The following DOCK3 variants were observed in gnomAD, a reference collection of about 807,000 sequenced individuals.
DOCK3 encodes dedicator of cytokinesis 3.
Under a neutral mutation model 265.6 loss-of-function variants are expected in DOCK3, and 60 were observed. The ratio of observed to expected loss-of-function variants is 0.23; its 90% CI spans 0.18 to 0.28. The LOEUF (loss-of-function observed/expected upper bound fraction) is 0.28, where lower values mean the gene tolerates loss of function less well. Among genes scored for constraint, DOCK3 ranks in the 10% least tolerant of loss-of-function variants. The probability of loss-of-function intolerance (pLI) is 1.00; values close to 1 mark genes in which losing one functional copy is unlikely to be tolerated. For synonymous variants in DOCK3, 881 were observed against 938.0 expected, an observed-to-expected ratio of 0.94 and a Z score of 1.11; for missense variants, 1,981 against 2,594.3, an observed-to-expected ratio of 0.76 and a Z score of 5.14.
intron 2 of DOCK3, among the ~76,000 whole-genome samples, chr3:50,833,858 C>A (rs1162162059): frequency 1.3e-5 from 2 of 152,088 alleles, no homozygotes; most frequent in Non-Finnish European, 2.9e-5. Context: ...TAAGAATACT[C>A]AAATAGTTTC....
chr3:51,204,173 AT>A (rs2089017594), intron 12 of DOCK3, among the ~76,000 whole-genome samples: 1 of 148,198 alleles, frequency 6.7e-6, no homozygotes, highest in African/African-American at 2.5e-5. Flanking sequence ...ATGGGATCTA[AT>A]TAAACTAAAG....
chr3:51,272,146 A>G (rs1488483046), intron 24 of DOCK3, among the ~76,000 whole-genome samples: 1 of 152,232 alleles, frequency 6.6e-6, no homozygotes. Flanking sequence ...ATTAAGATCA[A>G]TATGAGCCTG....
At chr3:51,253,110 A>G (rs552829248) in intron 22 of DOCK3, among the ~76,000 whole-genome samples, 8 of 152,320 alleles carry the variant, frequency 5.3e-5, no homozygotes, top group South Asian at 2.1e-4. Context: ...TTCTGCATCT[A>G]TTGAGATAAT....
At chr3:50,881,965 G>A (rs1261111648) in intron 3 of DOCK3, among the ~76,000 whole-genome samples, 19 of 152,090 alleles carry the variant, frequency 1.2e-4, no homozygotes, top group African/African-American at 3.9e-4. Flanking sequence ...AATACCACAC[G>A]TCTACAACCA....
intron 1 of DOCK3, among the ~76,000 whole-genome samples, chr3:50,715,737 G>A (rs2037066817): frequency 6.6e-6 from 1 of 152,052 alleles, no homozygotes; most frequent in Non-Finnish European, 1.5e-5. Context: ...GAATTTGAGG[G>A]ATTTTTGAGA....
chr3:51,274,404 G>A (rs56254449), intron 24 of DOCK3, among the ~76,000 whole-genome samples: 3,552 of 152,252 alleles, frequency 0.023, 149 homozygotes, highest in African/African-American at 0.081. Flanking sequence ...TTCAGTCAGC[G>A]TAGTTCATAC....
intron 12 of DOCK3, among the ~76,000 whole-genome samples, chr3:51,195,999 AAAT>A (rs2088272881): frequency 6.6e-6 from 1 of 151,626 alleles, no homozygotes; most frequent in African/African-American, 2.4e-5. Flanking sequence ...GCAGTGGTGT[AAAT>A]ACAGCTCACT....
intron 32 of DOCK3, among the ~76,000 whole-genome samples, chr3:51,317,583 A>G (rs1413887906): frequency 1.0e-5 from 1 of 97,834 alleles, no homozygotes; most frequent in Non-Finnish European, 1.8e-5. Context: ...CCATCACAAA[A>G]TAATAATAAT....
At chr3:50,762,115 G>T (rs1415667451) in intron 1 of DOCK3, among the ~76,000 whole-genome samples, 1 of 152,066 alleles carries the variant, frequency 6.6e-6, no homozygotes, top group Non-Finnish European at 1.5e-5. Flanking sequence ...GTGGGGTGGG[G>T]GCAGCGGGGA....
At chr3:50,896,373 C>T (rs1437528779) in intron 4 of DOCK3, among the ~76,000 whole-genome samples, 3 of 150,618 alleles carry the variant, frequency 2.0e-5, no homozygotes, top group Non-Finnish European at 4.4e-5. Context: ...TTTGTTTAAT[C>T]TTTGTAGATT....
chr3:51,124,675 G>A (rs2084184848), intron 9 of DOCK3, among the ~76,000 whole-genome samples: 1 of 152,116 alleles, frequency 6.6e-6, no homozygotes, highest in Non-Finnish European at 1.5e-5. Context: ...ATTTTCAAAT[G>A]CTTTATTTCT....
chr3:50,831,891 G>C (rs568541077), intron 2 of DOCK3, among the ~76,000 whole-genome samples: 1 of 152,270 alleles, frequency 6.6e-6, no homozygotes, highest in Admixed American at 6.5e-5. Flanking sequence ...TCTAGCATCT[G>C]TTGTTCCCTG....
intron 5 of DOCK3, among the ~76,000 whole-genome samples, chr3:50,962,369 T>C (rs1486548303): frequency 6.6e-6 from 1 of 152,234 alleles, no homozygotes; most frequent in Non-Finnish European, 1.5e-5. Flanking sequence ...TTCCCTGATT[T>C]TGGTATTATA....
At chr3:51,039,079 T>G (rs2109010621) in intron 5 of DOCK3, among the ~76,000 whole-genome samples, 1 of 152,242 alleles carries the variant, frequency 6.6e-6, no homozygotes, top group Admixed American at 6.5e-5. Flanking sequence ...CACTGCAACC[T>G]CTGCCTCCTG....
chr3:51,368,129 A>G (rs1035273451), intron 49 of DOCK3, among the ~76,000 whole-genome samples: 3 of 152,174 alleles, frequency 2.0e-5, no homozygotes, highest in African/African-American at 4.8e-5. Flanking sequence ...TAGGAACACA[A>G]CGAGTCTGCA....
chr3:51,100,995 A>T (rs1237801281), intron 9 of DOCK3, among the ~76,000 whole-genome samples: 3 of 150,454 alleles, frequency 2.0e-5, no homozygotes, highest in South Asian at 4.2e-4. Context: ...TGTAGAGATG[A>T]CATCTTGCTA....
At chr3:50,757,419 G>T (rs1179583557) in intron 1 of DOCK3, among the ~76,000 whole-genome samples, 1 of 151,948 alleles carries the variant, frequency 6.6e-6, no homozygotes, top group African/African-American at 2.4e-5. Context: ...TGATCCACCT[G>T]CCTGGGCCTC....
chr3:50,863,758 G>A (rs946468424), intron 3 of DOCK3, among the ~76,000 whole-genome samples: 10 of 152,096 alleles, frequency 6.6e-5, no homozygotes, highest in South Asian at 2.1e-4. Flanking sequence ...AATGATCACC[G>A]GTTCCATTTA....
intron 27 of DOCK3, among the ~76,000 whole-genome samples, chr3:51,291,855 A>C (rs2081796632): frequency 6.6e-6 from 1 of 152,198 alleles, no homozygotes; most frequent in South Asian, 2.1e-4. Context: ...TCAACAAAAG[A>C]CTAGCAAACT....
Sources: gnomAD v4.1 joint callset for allele counts (sites outside exome capture counted in the v4.1 genomes callset) on GRCh38, gnomAD v4.1.1 for gene constraint, MANE v1.5 for transcripts, NCBI Gene and HGNC (gene_info 2026-07-23, HGNC 2026-07-21) for gene names.